Variants in COG3 observed in about 807,000 individuals in gnomAD.
The protein encoded by COG3 is component of oligomeric golgi complex 3, also known as conserved oligomeric Golgi complex subunit 3.
In COG3, 32 loss-of-function variants were observed where a neutral mutation model predicts 114.1. The observed-to-expected ratio is 0.28, with a 90% CI of 0.21 to 0.38. The LOEUF (loss-of-function observed/expected upper bound fraction) is 0.38, where lower values mean the gene tolerates loss of function less well. Ranked by LOEUF, COG3 falls within the 10% of genes least tolerant of loss-of-function variation. The probability of loss-of-function intolerance (pLI) is 1.00; values close to 1 mark genes in which losing one functional copy is unlikely to be tolerated. For synonymous variants in COG3, 352 were observed against 365.7 expected, an observed-to-expected ratio of 0.96 and a Z score of 0.43; for missense variants, 813 against 973.2, an observed-to-expected ratio of 0.84 and a Z score of 2.19.
At chr13:45,530,944 C>A (rs1396971417) in intron 22 of COG3, 164 bp downstream of exon 22, 1 of 983,324 alleles carries the variant, frequency 1.0e-6, no homozygotes, top group African/African-American at 1.7e-5. Context: ...TTCTCTCAAA[C>A]TTTTGGGGGA....
Position 45,535,117 on chromosome 13 carries a change from A to G in COG3, c.*386A>G, listed in dbSNP as rs1873465350. 9.9e-7 allele frequency: 1 copy of G among 1,012,022 alleles called. No homozygotes were observed. The highest frequency in any genetic ancestry group is 1.2e-6 in the Non-Finnish European group (1 of 848,198). 62.7% of individuals were successfully genotyped at this position (1,012,022 alleles called of 1,614,324 possible). A position where few individuals can be genotyped will look rare whatever the true frequency, so the allele number is the denominator to read the frequency against. On this transcript the variant is annotated 3_prime_UTR_variant, in exon 23 of 23. Transcript: ENST00000349995. ...AGCGAATTAGAAGGCCTGTAAGAGT[A>G]AGGTTTGCTAAAACGTGAAACACTG... is the stretch of plus-strand genomic sequence containing the variant.
At chr13:45,513,648 A>C (rs927520808) in intron 16 of COG3, among the ~76,000 whole-genome samples, 2 of 150,728 alleles carry the variant, frequency 1.3e-5, no homozygotes, top group Non-Finnish European at 3.0e-5. Context: ...CTTTGTGACC[A>C]CTATATTTTT....
intron 16 of COG3, among the ~76,000 whole-genome samples, chr13:45,513,500 T>C (rs1169582300): frequency 0.033 from 126 of 3,830 alleles, 1 homozygote; most frequent in Non-Finnish European, 0.05. Context: ...ACATATAAAT[T>C]ATATATATAA....
intron 19 of COG3, among the ~76,000 whole-genome samples, chr13:45,522,929 C>T (rs1394291121): frequency 6.6e-6 from 1 of 152,134 alleles, no homozygotes; most frequent in Non-Finnish European, 1.5e-5. Flanking sequence ...GGCAGCTGAG[C>T]CCTAGATCCT....
chr13:45,519,193 T>C (rs1015445686), intron 19 of COG3, 99 bp downstream of exon 19: 15 of 1,324,480 alleles, frequency 1.1e-5, no homozygotes, highest in African/African-American at 4.4e-5. Flanking sequence ...GAAGGAGATA[T>C]TAAGCCCAAG....
In COG3 at chr13:45,513,455, ATAAT is replaced by A. The variant is rs1481237698; in HGVS notation, c.1809+1602_1809+1605del. On this transcript the variant is annotated intron_variant, in intron 16 of 22. Coordinates refer to ENST00000349995, the MANE Select transcript of COG3 (RefSeq NM_031431.4). ...TAATATATACATATAAATTATATAT[ATAAT>A]ATATACATATAAATTATATATATAA... Among the ~76,000 whole-genome samples, 2 of 86,046 alleles carry A rather than the reference ATAAT, an allele frequency of 2.3e-5. 1 individual carries two copies. Among genetic ancestry groups the A allele is most frequent in the African/African-American group, 1.3e-4 (2 of 14,976 alleles). 56.4% of individuals were successfully genotyped at this position (86,046 alleles called of 152,430 possible).
chr13:45,483,427 T>G (rs932681713), intron 7 of COG3, 72 bp downstream of exon 7: 1 of 1,274,392 alleles, frequency 7.8e-7, no homozygotes, highest in Non-Finnish European at 1.1e-6. Context: ...TCCATAATCT[T>G]TGGCTGAGAT....
intron 19 of COG3, among the ~76,000 whole-genome samples, chr13:45,519,557 A>T (rs1871888405): frequency 2.0e-5 from 3 of 152,230 alleles, no homozygotes; most frequent in Non-Finnish European, 4.4e-5. Context: ...TTTATAACAT[A>T]GCATTGTTAA....
chr13:45,524,988 A>G lies in COG3; in HGVS notation c.2167A>G (p.Lys723Glu). The change falls in exon 20 of 23, where the codon AAA becomes GAA. Residue 723 changes from lysine (K) to glutamate (E), a missense_variant. Coordinates refer to ENST00000349995, the MANE Select transcript of COG3 (RefSeq NM_031431.4). Reference protein sequence around the residue: ...EEFMTKVSALKTMASQGGPKY... With the variant: ...EEFMTKVSALETMASQGGPKY... ...TCTCCTCTATTAGGTTTCAGCGTTA[A>G]AAACAATGGCCAGTCAGGGAGGCCC... 1.2e-6 allele frequency: 2 copies of G among 1,613,814 alleles called. No homozygotes were observed. The highest frequency in any genetic ancestry group is 1.7e-6 in the Non-Finnish European group (2 of 1,179,796).
intron 22 of COG3, 65 bp from the exon 23 acceptor site, chr13:45,534,637 C>A: frequency 7.8e-7 from 1 of 1,281,228 alleles, no homozygotes; most frequent in Non-Finnish European, 1.1e-6. Flanking sequence ...CCCCTCCCTC[C>A]TTGACTTTTC....
chr13:45,515,622 G>C (rs943066574), intron 16 of COG3, among the ~76,000 whole-genome samples: 8 of 152,206 alleles, frequency 5.3e-5, no homozygotes, highest in Admixed American at 1.3e-4. Context: ...TCAGAGCTCT[G>C]TTGGTGGCAG....
chr13:45,465,044 A>C lies in COG3; in HGVS notation c.8A>C (p.Glu3Ala). The stretch of plus-strand genomic sequence containing the variant: ...GCCGCGAGGGCGGCGGCGATGGCGG[A>C]GGCGGCGCTGTTGCTGCTGCCTGAG... MA[E>A]AALLLLPEAA... is the part of the protein sequence containing the mutation. The change falls in exon 1 of 23, where the codon GAG becomes GCG. Residue 3 changes from glutamate to alanine, a missense_variant. Around this residue, in one of 2 missense-constraint regions of COG3, gnomAD observed 424 missense variants for 430.6 expected, o/e 0.98. Coordinates refer to ENST00000349995, the MANE Select transcript of COG3 (RefSeq NM_031431.4). The C allele has an allele frequency of 6.3e-7, 1 of 1,574,902 alleles. No homozygotes were observed. Among genetic ancestry groups the C allele is most frequent in the Non-Finnish European group, 8.6e-7 (1 of 1,162,230 alleles).
chr13:45,475,550 T>C (rs942733916), intron 1 of COG3, among the ~76,000 whole-genome samples: 2 of 152,152 alleles, frequency 1.3e-5, no homozygotes, highest in African/African-American at 4.8e-5. Context: ...TTGTGTTAGA[T>C]ACTGGGGAGG....
At chr13:45,496,339 T>G (rs1204658062) in intron 13 of COG3, 27 bp downstream of exon 13, 1 of 1,512,634 alleles carries the variant, frequency 6.6e-7, no homozygotes, top group Non-Finnish European at 8.9e-7. Context: ...TGATCTCCCG[T>G]CTGCCCCCAC....
At chr13:45,474,923 T>G (rs948994646) in intron 1 of COG3, among the ~76,000 whole-genome samples, 1 of 136,446 alleles carries the variant, frequency 7.3e-6, no homozygotes, top group African/African-American at 2.8e-5. Context: ...GCATCTACTT[T>G]CCCTTTGTTT....
rs764353410 is a variant in COG3 at position 45,503,164 on chromosome 13, ATG to A, written c.1489-78_1489-77del. ...AATGTCAAGTTGAAAATATATATATATGTACTTTGTATAAAGAACATGTTCAT... is the reference window on the plus strand; with the variant it reads ...AATGTCAAGTTGAAAATATATATATATACTTTGTATAAAGAACATGTTCAT... On this transcript the variant is annotated intron_variant, in intron 13 of 22. Coordinates refer to ENST00000349995, the MANE Select transcript of COG3 (RefSeq NM_031431.4). The A allele has an allele frequency of 6.2e-3, 3,862 of 621,094 alleles. 78 individuals are homozygous for A. Among genetic ancestry groups the A allele is most frequent in the Middle Eastern group, 9.7e-3 (21 of 2,168 alleles). 38.5% of individuals were successfully genotyped at this position (621,094 alleles called of 1,614,324 possible).
intron 11 of COG3, among the ~76,000 whole-genome samples, chr13:45,492,601 G>T (rs568878360): frequency 6.6e-6 from 1 of 152,158 alleles, no homozygotes; most frequent in East Asian, 1.9e-4. Flanking sequence ...ACTAATGAAA[G>T]ATTTAAAAAT....
intron 14 of COG3, among the ~76,000 whole-genome samples, chr13:45,508,259 C>G (rs1209030472): frequency 1.3e-5 from 2 of 150,106 alleles, no homozygotes; most frequent in Admixed American, 6.7e-5. Context: ...TATCATAGAT[C>G]TACTTCTATT....
At position 45,535,557 on chromosome 13, in the gene COG3, C is replaced by T. The variant is rs1045763809; in HGVS notation, c.*826C>T. 3 of 985,486 alleles carry T rather than the reference C, an allele frequency of 3.0e-6. No individual in the cohort carries two copies. Among genetic ancestry groups the T allele is most frequent in the Non-Finnish European group, 3.6e-6 (3 of 830,088 alleles). 61.0% of individuals were successfully genotyped at this position (985,486 alleles called of 1,614,324 possible). On this transcript the variant is annotated 3_prime_UTR_variant, in exon 23 of 23. Coordinates refer to ENST00000349995, the MANE Select transcript of COG3 (RefSeq NM_031431.4). ...GGAAACCTGAGGAGTAGTGTTCCTC[C>T]TGAATGAAGGTTCAGGTCACCAGCC... is the stretch of plus-strand genomic sequence containing the variant.
Sources: allele counts gnomAD v4.1 joint callset (sites outside exome capture counted in the v4.1 genomes callset), GRCh38; gene constraint gnomAD v4.1.1; regional missense constraint gnomAD v4.1.1; transcripts MANE v1.5; gene names NCBI Gene and HGNC (gene_info 2026-07-23, HGNC 2026-07-21).